Variants in MKX observed in about 807,000 individuals in gnomAD.
MKX encodes mohawk homeobox, also known as homeobox protein Mohawk.
MKX carries 13 observed loss-of-function variants against 36.0 expected under a neutral mutation model. That is an observed-to-expected ratio of 0.36 (90% CI 0.24 to 0.57). MKX has a LOEUF of 0.57. Among genes scored for constraint, MKX ranks in the 20% least tolerant of loss-of-function variants. The pLI is 0.79. For synonymous variants in MKX, 176 were observed against 178.3 expected (o/e 0.99, Z 0.10); for missense variants, 458 against 456.4 (o/e 1.00, Z -0.03).
At position 27,734,561 on chromosome 10, in the gene MKX, T is replaced by A; in HGVS notation, c.733A>T (p.Thr245Ser). 6.2e-7 allele frequency: 1 copy of A among 1,614,186 alleles called. No homozygotes were observed. The highest frequency in any genetic ancestry group is 1.3e-5 in the African/African-American group (1 of 75,052). ...MATNTTMMGK[T>S]RQRNHSGSFS... is the part of the protein sequence containing the mutation. Reference sequence around the variant, plus strand: ...GATCCCGAGTGGTTTCTTTGCCTTGTTTTTCCCATCATGGTAGTGTTCGTG... The same window carrying A: ...GATCCCGAGTGGTTTCTTTGCCTTGATTTTCCCATCATGGTAGTGTTCGTG... The change falls in exon 5 of 7, where the codon ACA becomes TCA. Residue 245 changes from threonine (T) to serine (S), a missense_variant. Physicochemically the swap from Thr to Ser is moderately conservative, Grantham distance 58. Coordinates refer to ENST00000419761, the MANE Select transcript of MKX (RefSeq NM_173576.3).
At chr10:27,712,382 G>A (rs1035409629) in intron 5 of MKX, among the ~76,000 whole-genome samples, 3 of 152,168 alleles carry the variant, frequency 2.0e-5, no homozygotes, top group Non-Finnish European at 4.4e-5. Context: ...CCTTAAGTTC[G>A]CTTAGCATCT....
intron 5 of MKX, among the ~76,000 whole-genome samples, chr10:27,728,375 A>C (rs1834541322): frequency 6.6e-6 from 1 of 152,238 alleles, no homozygotes; most frequent in African/African-American, 2.4e-5. Context: ...GAAATGAAGG[A>C]AACAGATATT....
At chr10:27,686,529 T>G (rs915807584) in intron 5 of MKX, among the ~76,000 whole-genome samples, 1 of 152,028 alleles carries the variant, frequency 6.6e-6, no homozygotes, top group African/African-American at 2.4e-5. Context: ...CAGGCTGGAG[T>G]GCAGTGGTGT....
intron 5 of MKX, among the ~76,000 whole-genome samples, chr10:27,716,374 G>A: frequency 7.1e-6 from 1 of 141,076 alleles, no homozygotes; most frequent in East Asian, 2.2e-4. Flanking sequence ...AGTCAGTCAT[G>A]ATCATGCCAC....
chr10:27,676,182 G>A (rs1449927880), intron 5 of MKX, among the ~76,000 whole-genome samples: 1 of 151,968 alleles, frequency 6.6e-6, no homozygotes, highest in East Asian at 1.9e-4. Context: ...GCTGAGGTGG[G>A]AGGATTGCTT....
chr10:27,696,762 C>T (rs927945148), intron 5 of MKX, among the ~76,000 whole-genome samples: 12 of 152,038 alleles, frequency 7.9e-5, no homozygotes, highest in African/African-American at 1.9e-4. Context: ...TAGCATCCTA[C>T]GTATATCACC....
At chr10:27,685,622 T>C (rs931323046) in intron 5 of MKX, among the ~76,000 whole-genome samples, 3 of 152,008 alleles carry the variant, frequency 2.0e-5, no homozygotes, top group Non-Finnish European at 4.4e-5. Flanking sequence ...CTAATTTTTT[T>C]TGTATTTTTA....
rs574923635 is a variant in MKX at position 27,716,146 on chromosome 10, T to G, written c.838+18310A>C. On this transcript the variant is annotated intron_variant, in intron 5 of 6. Coordinates refer to ENST00000419761, the MANE Select transcript of MKX (RefSeq NM_173576.3). The stretch of plus-strand genomic sequence containing the variant: ...GGATAGTAATATGTACATCACAGAG[T>G]TATTGTAAGGACTAACTAAAATAAT... Among the ~76,000 whole-genome samples, 3 of 152,030 alleles carry G rather than the reference T, an allele frequency of 2.0e-5. No homozygotes were observed. In the South Asian group the frequency reaches 6.2e-4, roughly 32 times the overall value.
intron 5 of MKX, among the ~76,000 whole-genome samples, chr10:27,698,911 T>C (rs1389313113): frequency 2.0e-5 from 3 of 152,206 alleles, no homozygotes; most frequent in Admixed American, 2.0e-4. Context: ...CTAACCACAG[T>C]ATAATATCTT....
Position 27,709,882 on chromosome 10 carries a change from T to A in MKX, c.838+24574A>T, listed in dbSNP as rs1418354841. Among the ~76,000 whole-genome samples the A allele has an allele frequency of 5.3e-5, 8 of 152,166 alleles. No individual in the cohort carries two copies. In the South Asian group the frequency reaches 1.7e-3, roughly 32 times the overall value. On this transcript the variant is annotated intron_variant, in intron 5 of 6. Transcript: ENST00000419761. ...TTTAACATGTTCTAGTAGATGCACT[T>A]ACAGTAGAAAGAAAAAGTGAAAGTA...
In MKX at chr10:27,674,959, T is replaced by C; in HGVS notation, c.*270A>G. 3.3e-6 allele frequency: 1 copy of C among 302,304 alleles called. No homozygotes were observed. The highest frequency in any genetic ancestry group is 6.2e-6 in the Non-Finnish European group (1 of 162,554). The allele number at this position is 302,304 out of a possible 1,614,324, so 18.7% of individuals were successfully genotyped here. A position where few individuals can be genotyped will look rare whatever the true frequency, so the allele number is the denominator to read the frequency against. On this transcript the variant is annotated 3_prime_UTR_variant, in exon 7 of 7. Transcript: ENST00000419761. ...TCAACTATGCCCACGTTGGAGCTTATTGTCGGGAAGCAAGGCACTTACTGT... is the reference window on the plus strand; with the variant it reads ...TCAACTATGCCCACGTTGGAGCTTACTGTCGGGAAGCAAGGCACTTACTGT...
intron 5 of MKX, among the ~76,000 whole-genome samples, chr10:27,733,037 A>C (rs1316229650): frequency 2.0e-5 from 3 of 152,112 alleles, no homozygotes; most frequent in Non-Finnish European, 4.4e-5. Context: ...GTTGTGAGCC[A>C]CCTTGCCCAG....
chr10:27,730,230 G>C (rs1834593757), intron 5 of MKX, among the ~76,000 whole-genome samples: 1 of 152,150 alleles, frequency 6.6e-6, no homozygotes, highest in Non-Finnish European at 1.5e-5. Context: ...TTTGTAGTGA[G>C]AGCCTGCTAT....
intron 5 of MKX, among the ~76,000 whole-genome samples, chr10:27,692,751 G>C (rs1836477738): frequency 6.6e-6 from 1 of 152,138 alleles, no homozygotes; most frequent in East Asian, 1.9e-4. Context: ...ATTTTATTCA[G>C]GCCTGCCTCA....
chr10:27,696,711 G>A (rs1836561131), intron 5 of MKX, among the ~76,000 whole-genome samples: 1 of 151,952 alleles, frequency 6.6e-6, no homozygotes, highest in Non-Finnish European at 1.5e-5. Context: ...TATGTCAGCA[G>A]CTAGTCTTCT....
chr10:27,734,109 T>C (rs577334251), intron 5 of MKX, among the ~76,000 whole-genome samples: 20 of 152,284 alleles, frequency 1.3e-4, no homozygotes, highest in Middle Eastern at 3.4e-3. Context: ...TAAACATTGT[T>C]ATTCTGAAGA....
At chr10:27,694,873 CACAA>C (rs1187822530) in intron 5 of MKX, among the ~76,000 whole-genome samples, 2 of 149,362 alleles carry the variant, frequency 1.3e-5, no homozygotes, top group Non-Finnish European at 3.0e-5. Flanking sequence ...ATCATAAAAG[CACAA>C]ACAAATTGCC....
chr10:27,730,906 T>G (rs1301558389), intron 5 of MKX, among the ~76,000 whole-genome samples: 1 of 151,728 alleles, frequency 6.6e-6, no homozygotes, highest in Non-Finnish European at 1.5e-5. Context: ...AGGCTGAGCC[T>G]GGCAGATCAC....
intron 5 of MKX, among the ~76,000 whole-genome samples, chr10:27,700,829 C>T (rs1836637810): frequency 1.3e-5 from 2 of 152,142 alleles, no homozygotes; most frequent in Non-Finnish European, 1.5e-5. Flanking sequence ...CACATACTCT[C>T]ATTTTCTAGG....
Sources: allele counts gnomAD v4.1 joint callset (sites outside exome capture counted in the v4.1 genomes callset), GRCh38; gene constraint gnomAD v4.1.1; transcripts MANE v1.5; gene names NCBI Gene and HGNC (gene_info 2026-07-23, HGNC 2026-07-21).